ZNF804A: variants seen among roughly 807,000 people sequenced by gnomAD.
The protein encoded by ZNF804A is zinc finger protein 804A.
A neutral mutation model predicts 16.5 loss-of-function variants in ZNF804A; 2 were observed. That is an observed-to-expected ratio of 0.12 (90% CI 0.05 to 0.38). The LOEUF (loss-of-function observed/expected upper bound fraction) is 0.38. Among genes scored for constraint, ZNF804A ranks in the 10% least tolerant of loss-of-function variants. The pLI is 0.99. For synonymous variants in ZNF804A, 534 were observed against 489.6 expected (o/e 1.09, Z -1.20); for missense variants, 1,473 against 1,390.7 (o/e 1.06, Z -0.94).
chr2:184,866,959 T>A (rs1574248354), intron 2 of ZNF804A, among the ~76,000 whole-genome samples: 1 of 151,428 alleles, frequency 6.6e-6, no homozygotes, highest in East Asian at 1.9e-4. Flanking sequence ...AGAAAGCATT[T>A]TGGATTTAAG....
chr2:184,607,978 C>T (rs1691177415), intron 1 of ZNF804A, among the ~76,000 whole-genome samples: 1 of 114,134 alleles, frequency 8.8e-6, no homozygotes. Context: ...CGGAGTCTCG[C>T]TCTGTCGCCC....
At position 184,867,884 on chromosome 2, in the gene ZNF804A, CAT is replaced by C. The variant is rs530507488; in HGVS notation, c.255+1375_255+1376del. Among the ~76,000 whole-genome samples, 633 of 152,126 alleles carry C rather than the reference CAT, an allele frequency of 4.2e-3. 2 individuals carry two copies. Among genetic ancestry groups the C allele is most frequent in the Non-Finnish European group, 7.4e-3 (505 of 67,952 alleles). The stretch of plus-strand genomic sequence containing the variant: ...CTAAAAGCCTGAGTATATTACTACA[CAT>C]ATGTCTCATTGTGTAAAGTAGGTAT... On this transcript the variant is annotated intron_variant, in intron 2 of 3. Coordinates refer to ENST00000302277, the MANE Select transcript of ZNF804A (RefSeq NM_194250.2).
Position 184,936,869 on chromosome 2 carries a change from C to T in ZNF804A, c.1473C>T (p.Asp491=), listed in dbSNP as rs75132823. The part of the protein sequence containing the change: ...KDLCSQQKQE[D]ICMGPLSDYK... ...TTTGTTCTCAGCAGAAGCAGGAAGA[C>T]ATTTGCATGGGACCACTTTCAGATT... Residue 491 remains aspartate, a synonymous_variant, in exon 4 of 4, where the codon GAC becomes GAT. Transcript: ENST00000302277. The T allele has an allele frequency of 8.9e-4, 1,428 of 1,613,314 alleles. 18 individuals carry two copies. The East Asian group carries it at 0.024, about 27-fold the overall frequency.
At chr2:184,765,653 C>T (rs532045687) in intron 1 of ZNF804A, among the ~76,000 whole-genome samples, 8 of 142,856 alleles carry the variant, frequency 5.6e-5, no homozygotes, top group Non-Finnish European at 3.0e-5. Flanking sequence ...AGGAATTGCT[C>T]AGTCGGGGAG....
intron 1 of ZNF804A, among the ~76,000 whole-genome samples, chr2:184,825,997 G>A (rs1324089847): frequency 1.3e-5 from 2 of 151,834 alleles, no homozygotes; most frequent in East Asian, 3.9e-4. Flanking sequence ...TCATCCTCCT[G>A]AGTAGCTGAG....
At chr2:184,684,878 G>T (rs1474178186) in intron 1 of ZNF804A, among the ~76,000 whole-genome samples, 1 of 150,906 alleles carries the variant, frequency 6.6e-6, no homozygotes, top group Non-Finnish European at 1.5e-5. Flanking sequence ...TTGCTGCAAA[G>T]GACATGATTT....
chr2:184,639,512 GTTC>G (rs1259011970), intron 1 of ZNF804A, among the ~76,000 whole-genome samples: 2 of 152,164 alleles, frequency 1.3e-5, no homozygotes, highest in African/African-American at 4.8e-5. Context: ...TGATATTGAT[GTTC>G]TTCAAGATTG....
chr2:184,700,874 G>A (rs538548448), intron 1 of ZNF804A, among the ~76,000 whole-genome samples: 1 of 152,020 alleles, frequency 6.6e-6, no homozygotes, highest in South Asian at 2.1e-4. Flanking sequence ...AGAAGAAAGA[G>A]GAGTTCTGAT....
intron 1 of ZNF804A, among the ~76,000 whole-genome samples, chr2:184,797,179 T>C (rs1321179284): frequency 2.6e-5 from 4 of 152,152 alleles, no homozygotes; most frequent in African/African-American, 9.7e-5. Flanking sequence ...ATTGTTTCTT[T>C]CTTGACTTTT....
At chr2:184,750,871 ACTTCAGG>A (rs1324513304) in intron 1 of ZNF804A, among the ~76,000 whole-genome samples, 2 of 151,284 alleles carry the variant, frequency 1.3e-5, no homozygotes, top group Non-Finnish European at 3.0e-5. Context: ...ACCATTCCAC[ACTTCAGG>A]CTTCTATGAG....
intron 1 of ZNF804A, among the ~76,000 whole-genome samples, chr2:184,795,745 A>C (rs1201541184): frequency 1.3e-5 from 2 of 151,710 alleles, no homozygotes; most frequent in Non-Finnish European, 3.0e-5. Flanking sequence ...GATATATTAC[A>C]ACTAACACTG....
intron 1 of ZNF804A, among the ~76,000 whole-genome samples, chr2:184,706,332 C>T (rs765848872): frequency 1.3e-5 from 2 of 152,160 alleles, no homozygotes; most frequent in African/African-American, 4.8e-5. Context: ...CAGGCTCATT[C>T]GTTAACCAGA....
intron 1 of ZNF804A, among the ~76,000 whole-genome samples, chr2:184,791,748 C>T (rs1694548108): frequency 6.6e-6 from 1 of 152,088 alleles, no homozygotes; most frequent in Non-Finnish European, 1.5e-5. Flanking sequence ...GTTTCATATT[C>T]TATGAGTTTT....
intron 1 of ZNF804A, among the ~76,000 whole-genome samples, chr2:184,604,170 T>G (rs1350380998): frequency 3.8e-5 from 4 of 106,102 alleles, no homozygotes; most frequent in Admixed American, 1.9e-4. Context: ...TTTTTTTTTT[T>G]TTTTTTTTTT....
intron 1 of ZNF804A, among the ~76,000 whole-genome samples, chr2:184,838,480 T>A (rs1695388395): frequency 6.6e-6 from 1 of 152,142 alleles, no homozygotes; most frequent in South Asian, 2.1e-4. Context: ...ATATTATTAA[T>A]ATTGTGATTA....
chr2:184,746,527 TATC>T (rs1207697513), intron 1 of ZNF804A, among the ~76,000 whole-genome samples: 1 of 151,518 alleles, frequency 6.6e-6, no homozygotes, highest in Non-Finnish European at 1.5e-5. Context: ...TTCAAACAAT[TATC>T]ATTTATTTGT....
At chr2:184,656,282 G>T (rs144051318) in intron 1 of ZNF804A, among the ~76,000 whole-genome samples, 8 of 152,008 alleles carry the variant, frequency 5.3e-5, no homozygotes, top group African/African-American at 1.9e-4. Context: ...CAGTATGCAC[G>T]CAATATTGCT....
At chr2:184,885,096 A>G (rs571053206) in intron 2 of ZNF804A, among the ~76,000 whole-genome samples, 1 of 152,358 alleles carries the variant, frequency 6.6e-6, no homozygotes, top group African/African-American at 2.4e-5. Context: ...GCATATAAAA[A>G]ATGAACATCA....
rs1296135474 is a variant in ZNF804A at position 184,625,716 on chromosome 2, C to T, written c.111+26646C>T. On this transcript the variant is annotated intron_variant, in intron 1 of 3. Transcript: ENST00000302277. ...TAAATTAATAGTACTCTTTCACTAACTTATTTTGAGTAATATTATTAGTGT... is the reference window on the plus strand; with the variant it reads ...TAAATTAATAGTACTCTTTCACTAATTTATTTTGAGTAATATTATTAGTGT... Among the ~76,000 whole-genome samples, 5 of 152,138 alleles carry T rather than the reference C, an allele frequency of 3.3e-5. No individual in the cohort carries two copies. In the East Asian group the frequency reaches 9.7e-4, roughly 29 times the overall value.
Sources: gnomAD v4.1 joint callset for allele counts (sites outside exome capture counted in the v4.1 genomes callset) on GRCh38, gnomAD v4.1.1 for gene constraint, MANE v1.5 for transcripts, NCBI Gene and HGNC (gene_info 2026-07-23, HGNC 2026-07-21) for gene names.